RAP1B: variants seen among roughly 807,000 people sequenced by gnomAD.
RAP1B encodes the protein RAP1B, member of RAS oncogene family, also known as ras-related protein Rap-1b.
A neutral mutation model predicts 27.5 loss-of-function variants in RAP1B; 1 was observed. The observed-to-expected ratio is 0.04, with a 90% confidence interval of 0.01 to 0.17. RAP1B has a LOEUF of 0.17. Ranked by LOEUF, RAP1B falls within the 10% of genes least tolerant of loss-of-function variation. RAP1B has a pLI of 1.00. For missense variants in RAP1B, 84 were observed against 214.8 expected (o/e 0.39, Z 3.81); for synonymous variants, 75 against 73.1 (o/e 1.03, Z -0.13).
intron 1 of RAP1B, among the ~76,000 whole-genome samples, chr12:68,619,169 T>C (rs1424085370): frequency 6.6e-6 from 1 of 152,202 alleles, no homozygotes; most frequent in African/African-American, 2.4e-5. Flanking sequence ...AGTATTTGTG[T>C]GATTGAGTCA....
chr12:68,643,913 C>G (rs1375928322), intron 1 of RAP1B, among the ~76,000 whole-genome samples: 1 of 152,072 alleles, frequency 6.6e-6, no homozygotes, highest in African/African-American at 2.4e-5. Flanking sequence ...CCTATCCCCC[C>G]ACCTTGTCAT....
rs1874642369 is a variant in RAP1B, at chr12:68,662,298, A to G, written c.*3049A>G. ...TGAATTCCTTTTCACGTCCCCAAGGATACTTGAAGAAACTTGAGTTTTAGG... is the reference window on the plus strand; with the variant it reads ...TGAATTCCTTTTCACGTCCCCAAGGGTACTTGAAGAAACTTGAGTTTTAGG... On this transcript the variant is annotated 3_prime_UTR_variant, in exon 8 of 8. Transcript: ENST00000250559. 6.6e-6 allele frequency: 1 copy of G among 151,882 alleles called. No homozygotes were observed. Among genetic ancestry groups the G allele is most frequent in the Non-Finnish European group, 1.5e-5 (1 of 67,960 alleles). The allele number at this position is 151,882 out of a possible 1,614,324, so 9.4% of individuals were successfully genotyped here. A position where few individuals can be genotyped will look rare whatever the true frequency, so the allele number is the denominator to read the frequency against.
chr12:68,651,006 C>T (rs1208740110), intron 3 of RAP1B: 3 of 152,200 alleles, frequency 2.0e-5, no homozygotes, highest in Non-Finnish European at 2.9e-5. Context: ...GTTTCATATA[C>T]ACCTCATACA....
At chr12:68,643,529 G>T (rs1873173751) in intron 1 of RAP1B, among the ~76,000 whole-genome samples, 1 of 152,118 alleles carries the variant, frequency 6.6e-6, no homozygotes, top group Non-Finnish European at 1.5e-5. Context: ...TTTTTGAGAA[G>T]TGTTTTCTGA....
intron 2 of RAP1B, 45 bp from the exon 3 acceptor site, chr12:68,650,355 A>G: frequency 6.9e-7 from 1 of 1,454,664 alleles, no homozygotes; most frequent in Non-Finnish European, 9.3e-7. Context: ...GATTGAATGT[A>G]CTCTTTTCTT....
intron 1 of RAP1B, among the ~76,000 whole-genome samples, chr12:68,646,423 G>A (rs770295254): frequency 3.9e-5 from 6 of 152,036 alleles, no homozygotes; most frequent in Non-Finnish European, 7.4e-5. Flanking sequence ...AGCCTCCCGA[G>A]TAGCTGGGAT....
rs371496976 is a variant in RAP1B, at chr12:68,651,841, T to G, written c.127-154T>G. 4.7e-5 allele frequency: 27 copies of G among 570,084 alleles called. No individual in the cohort carries two copies. In the South Asian group the frequency reaches 6.5e-4, roughly 14 times the overall value. The allele number at this position is 570,084 out of a possible 1,614,324, so 35.3% of individuals were successfully genotyped here. The stretch of plus-strand genomic sequence containing the variant: ...TTTGAATCTTGATTACTTAGCTATT[T>G]TTCCTCCTGCTTTGTTGAAGTATTG... On this transcript the variant is annotated intron_variant, in intron 3 of 7. Transcript: ENST00000250559.
intron 1 of RAP1B, among the ~76,000 whole-genome samples, chr12:68,618,502 G>A (rs957521172): frequency 6.6e-6 from 1 of 152,218 alleles, no homozygotes; most frequent in African/African-American, 2.4e-5. Context: ...ACCTAGATCA[G>A]TATTTTCAAG....
At chr12:68,639,968 G>A (rs1218859411) in intron 1 of RAP1B, among the ~76,000 whole-genome samples, 2 of 151,846 alleles carry the variant, frequency 1.3e-5, no homozygotes, top group Non-Finnish European at 2.9e-5. Flanking sequence ...AGCCTCCTGA[G>A]TAGCTGGGAT....
chr12:68,650,430 GA>G lies in RAP1B; in HGVS notation c.93del (p.Lys31AsnfsTer6). ...ACAATTTGTTCAAGGAATTTTTGTA[GA>G]AAAATACGATCCTACGATAGAAGAT... is the stretch of plus-strand genomic sequence containing the variant. ...TVQFVQGIFV[E>X]KYDPTIEDSY... On this transcript the variant is annotated frameshift_variant, in exon 3 of 8. Coordinates refer to ENST00000250559, the MANE Select transcript of RAP1B (RefSeq NM_001010942.3). LOFTEE classifies it high-confidence loss of function. 6.4e-7 allele frequency: 1 copy of G among 1,563,232 alleles called. No homozygotes were observed. Among genetic ancestry groups the G allele is most frequent in the African/African-American group, 1.4e-5 (1 of 72,416 alleles).
intron 5 of RAP1B, among the ~76,000 whole-genome samples, chr12:68,654,953 T>G (rs901523966): frequency 1.3e-5 from 2 of 152,072 alleles, no homozygotes; most frequent in Non-Finnish European, 2.9e-5. Context: ...AGGTCAGCAG[T>G]AGGACCCAGG....
chr12:68,614,365 A>G (rs555657842), intron 1 of RAP1B, among the ~76,000 whole-genome samples: 1 of 152,234 alleles, frequency 6.6e-6, no homozygotes, highest in African/African-American at 2.4e-5. Flanking sequence ...TTAAAGATGT[A>G]AAATAACTGT....
chr12:68,632,934 G>T (rs1244041725), intron 1 of RAP1B, among the ~76,000 whole-genome samples: 1 of 152,298 alleles, frequency 6.6e-6, no homozygotes, highest in Admixed American at 6.5e-5. Context: ...CAAGACTGAA[G>T]TAACTGGGAC....
At chr12:68,621,226 A>G (rs1871362368) in intron 1 of RAP1B, among the ~76,000 whole-genome samples, 1 of 151,870 alleles carries the variant, frequency 6.6e-6, no homozygotes, top group South Asian at 2.1e-4. Context: ...GGAATTTAAC[A>G]GGAAGCTTTA....
At position 68,665,013 on chromosome 12, in the gene RAP1B, G is replaced by C. The variant is rs776822555; in HGVS notation, c.*5764G>C. ...GTGGCTGGCAGAAAAAAATAAGTGC[G>C]TGTGGTGGTGCTTGCCTGTAATCCC... is the stretch of plus-strand genomic sequence containing the variant. On this transcript the variant is annotated 3_prime_UTR_variant, in exon 8 of 8. Coordinates refer to ENST00000250559, the MANE Select transcript of RAP1B (RefSeq NM_001010942.3). The C allele has an allele frequency of 6.6e-6, 1 of 152,174 alleles. No homozygotes were observed. Among genetic ancestry groups the C allele is most frequent in the Non-Finnish European group, 1.5e-5 (1 of 68,044 alleles). 9.4% of individuals were successfully genotyped at this position (152,174 alleles called of 1,614,324 possible).
intron 1 of RAP1B, among the ~76,000 whole-genome samples, chr12:68,611,773 T>A (rs993627743): frequency 6.6e-6 from 1 of 152,172 alleles, no homozygotes; most frequent in African/African-American, 2.4e-5. Context: ...GGAAATCTCT[T>A]TCTCTTAGAG....
chr12:68,614,382 CTGTA>C, intron 1 of RAP1B, among the ~76,000 whole-genome samples: 1 of 152,134 alleles, frequency 6.6e-6, no homozygotes. Context: ...CTGTGTTTCT[CTGTA>C]TGTTTGTGTT....
intron 1 of RAP1B, among the ~76,000 whole-genome samples, chr12:68,629,385 G>T (rs560465400): frequency 6.6e-6 from 1 of 152,296 alleles, no homozygotes; most frequent in South Asian, 2.1e-4. Context: ...ATACAGACAT[G>T]TCAGTGTTCA....
At chr12:68,657,066 C>T (rs1303317010) in intron 6 of RAP1B, 35 bp from the exon 7 acceptor site, 1 of 1,544,386 alleles carries the variant, frequency 6.5e-7, no homozygotes, top group Non-Finnish European at 8.9e-7. Context: ...ATAGGTGTTC[C>T]TCCTGTAAAT....
Sources: gnomAD v4.1 joint callset for allele counts (sites outside exome capture counted in the v4.1 genomes callset) on GRCh38, gnomAD v4.1.1 for gene constraint, MANE v1.5 for transcripts, NCBI Gene and HGNC (gene_info 2026-07-23, HGNC 2026-07-21) for gene names.